Variants in RAB3B observed in about 807,000 individuals in gnomAD.
The protein encoded by RAB3B is RAB3B, member RAS oncogene family.
In RAB3B, 11 loss-of-function variants were observed where a neutral mutation model predicts 20.5. The ratio of observed to expected loss-of-function variants is 0.54; its 90% CI spans 0.34 to 0.89. The LOEUF (loss-of-function observed/expected upper bound fraction) is 0.89, where lower values mean the gene tolerates loss of function less well. RAB3B is among the 40% of genes least tolerant of loss of function. The pLI is 0.02. For missense variants in RAB3B, 225 were observed against 280.9 expected, an observed-to-expected ratio of 0.80 and a Z score of 1.42; for synonymous variants, 99 against 106.3, an observed-to-expected ratio of 0.93 and a Z score of 0.42.
Position 51,913,503 on chromosome 1 carries a change from G to A in RAB3B, c.*6424C>T, listed in dbSNP as rs185174431. ...TTTTTTTTTTTTGAGACTGAGTCTG[G>A]CTCTATCGCCCAGGCTGAAGTGCAG... On this transcript the variant is annotated 3_prime_UTR_variant, in exon 5 of 5. Coordinates refer to ENST00000371655, the MANE Select transcript of RAB3B (RefSeq NM_002867.4). 5.2e-4 allele frequency: 79 copies of A among 151,250 alleles called. No individual in the cohort carries two copies. The highest frequency in any genetic ancestry group is 2.0e-3 in the Admixed American group (30 of 15,188). 9.4% of individuals were successfully genotyped at this position (151,250 alleles called of 1,614,324 possible).
At position 51,976,995 on chromosome 1, in the gene RAB3B, G is replaced by A. The variant is rs560948864; in HGVS notation, c.123C>T (p.Arg41=). ...CTGGGGTGAACGTGTCATCAGCATA[G>A]CGGAAGAGGAAGGAGGTCTTGCCAA... ...SSVGKTSFLF[R]YADDTFTPAF... is the part of the protein sequence containing the mutation. Residue 41 remains arginine (R), a synonymous_variant, in exon 2 of 5, where the codon CGC becomes CGT. Transcript: ENST00000371655. 6.2e-7 allele frequency: 1 copy of A among 1,614,210 alleles called. No homozygotes were observed. The highest frequency in any genetic ancestry group is 1.1e-5 in the South Asian group (1 of 91,090).
intron 4 of RAB3B, among the ~76,000 whole-genome samples, chr1:51,925,359 C>A (rs139137564): frequency 6.6e-6 from 1 of 152,332 alleles, no homozygotes; most frequent in Non-Finnish European, 1.5e-5. Flanking sequence ...GACAATCCAT[C>A]CGGCACCTTG....
At chr1:51,958,856 CAA>C (rs1290591400) in intron 2 of RAB3B, among the ~76,000 whole-genome samples, 1 of 152,134 alleles carries the variant, frequency 6.6e-6, no homozygotes, top group Non-Finnish European at 1.5e-5. Flanking sequence ...GATCTGAGGC[CAA>C]GAGAGAGATC....
At chr1:51,940,352 G>A (rs1245537402) in intron 2 of RAB3B, among the ~76,000 whole-genome samples, 2 of 152,216 alleles carry the variant, frequency 1.3e-5, no homozygotes, top group East Asian at 3.8e-4. Context: ...GCTGGGCATG[G>A]TGGCTCATGC....
At chr1:51,961,469 G>A (rs1318180416) in intron 2 of RAB3B, among the ~76,000 whole-genome samples, 1 of 152,110 alleles carries the variant, frequency 6.6e-6, no homozygotes, top group African/African-American at 2.4e-5. Context: ...GGTGTGAAAA[G>A]AACACTCTGG....
chr1:51,947,456 A>G (rs778512463), intron 2 of RAB3B, among the ~76,000 whole-genome samples: 3 of 152,022 alleles, frequency 2.0e-5, no homozygotes, highest in Admixed American at 2.0e-4. Flanking sequence ...AACACAGCCT[A>G]AAGTCCAACC....
chr1:51,978,483 A>G (rs563626479), intron 1 of RAB3B, among the ~76,000 whole-genome samples: 2 of 152,322 alleles, frequency 1.3e-5, no homozygotes, highest in South Asian at 4.1e-4. Context: ...TTCACTCAGC[A>G]AATATTTAAT....
chr1:51,927,131 T>A (rs577090962), intron 4 of RAB3B, among the ~76,000 whole-genome samples: 2 of 152,268 alleles, frequency 1.3e-5, no homozygotes, highest in African/African-American at 4.8e-5. Context: ...GACACAAGGT[T>A]CCTTGGTTCA....
At chr1:51,965,242 A>AAAAG (rs1385003397) in intron 2 of RAB3B, among the ~76,000 whole-genome samples, 5 of 152,082 alleles carry the variant, frequency 3.3e-5, no homozygotes, top group Admixed American at 6.6e-5. Context: ...AGAAACGAAA[A>AAAAG]AAAGAAAGAA....
chr1:51,963,617 C>T (rs1485471983), intron 2 of RAB3B, among the ~76,000 whole-genome samples: 9 of 152,122 alleles, frequency 5.9e-5, no homozygotes, highest in Admixed American at 5.9e-4. Flanking sequence ...TTCACTCTCC[C>T]ACCTTCCTAA....
chr1:51,962,042 G>C (rs1347141477), intron 2 of RAB3B, among the ~76,000 whole-genome samples: 2 of 152,140 alleles, frequency 1.3e-5, no homozygotes, highest in Non-Finnish European at 2.9e-5. Flanking sequence ...AAAGTGCTGG[G>C]ATTACAGGCA....
chr1:51,964,960 G>A (rs879656659), intron 2 of RAB3B, among the ~76,000 whole-genome samples: 16 of 152,188 alleles, frequency 1.1e-4, no homozygotes, highest in Non-Finnish European at 1.9e-4. Flanking sequence ...CTGGCCAGGC[G>A]CAGTAGCTCA....
At chr1:51,920,766 C>T (rs1236746781) in intron 4 of RAB3B, among the ~76,000 whole-genome samples, 1 of 152,098 alleles carries the variant, frequency 6.6e-6, no homozygotes, top group Non-Finnish European at 1.5e-5. Flanking sequence ...CCTCTCATTC[C>T]CCCTAGGCTG....
chr1:51,945,322 C>A (rs1361710387), intron 2 of RAB3B, among the ~76,000 whole-genome samples: 1 of 152,196 alleles, frequency 6.6e-6, no homozygotes, highest in Non-Finnish European at 1.5e-5. Flanking sequence ...CAGGCCTGAG[C>A]CACCATATCT....
chr1:51,962,492 C>T (rs186950860), intron 2 of RAB3B, among the ~76,000 whole-genome samples: 2 of 152,302 alleles, frequency 1.3e-5, no homozygotes, highest in Admixed American at 6.5e-5. Context: ...GCCACACAAC[C>T]ACTGTCTGTC....
intron 2 of RAB3B, 98 bp downstream of exon 2, chr1:51,976,792 A>C: frequency 9.6e-7 from 1 of 1,042,620 alleles, no homozygotes; most frequent in Non-Finnish European, 1.4e-6. Flanking sequence ...CTGATGCTGT[A>C]AGGCCCAGAA....
At chr1:51,966,161 T>C (rs993278780) in intron 2 of RAB3B, among the ~76,000 whole-genome samples, 2 of 152,224 alleles carry the variant, frequency 1.3e-5, no homozygotes, top group Non-Finnish European at 2.9e-5. Context: ...AATTATGCTC[T>C]TGCAAATGTC....
At chr1:51,990,376 C>T in intron 1 of RAB3B, among the ~76,000 whole-genome samples, 176 bp downstream of exon 1, 1 of 148,252 alleles carries the variant, frequency 6.7e-6, no homozygotes, top group Non-Finnish European at 1.5e-5. Context: ...CCTCGGCGCC[C>T]CCTCCCTAGG....
intron 2 of RAB3B, among the ~76,000 whole-genome samples, chr1:51,951,379 A>G (rs1469210691): frequency 6.6e-6 from 1 of 152,142 alleles, no homozygotes; most frequent in East Asian, 1.9e-4. Context: ...AGATAGAAAA[A>G]CTGAGACCTA....
Sources: allele counts gnomAD v4.1 joint callset (sites outside exome capture counted in the v4.1 genomes callset), GRCh38; gene constraint gnomAD v4.1.1; transcripts MANE v1.5; gene names NCBI Gene and HGNC (gene_info 2026-07-23, HGNC 2026-07-21).